Variants in NAV3 observed in about 807,000 individuals in gnomAD.
The protein encoded by NAV3 is pore membrane and/or filament interacting like protein 1.
Under a neutral mutation model 244.7 loss-of-function variants are expected in NAV3, and 87 were observed. The observed-to-expected ratio is 0.36, with a 90% CI of 0.30 to 0.42. The LOEUF (loss-of-function observed/expected upper bound fraction) is 0.42, where lower values mean the gene tolerates loss of function less well. Ranked by LOEUF, NAV3 falls within the 20% of genes least tolerant of loss-of-function variation. The probability of loss-of-function intolerance (pLI) is 1.00; values close to 1 mark genes in which losing one functional copy is unlikely to be tolerated. For missense variants in NAV3, 2,663 were observed against 2,893.3 expected (o/e 0.92, Z 1.83); for synonymous variants, 1,126 against 1,042.2 (o/e 1.08, Z -1.55).
intron 2 of NAV3, among the ~76,000 whole-genome samples, chr12:77,634,705 G>A (rs1392981521): frequency 2.6e-5 from 4 of 151,850 alleles, no homozygotes; most frequent in Non-Finnish European, 5.9e-5. Context: ...GGAGTTCTAT[G>A]TTCTAGTCTT....
intron 1 of NAV3, among the ~76,000 whole-genome samples, chr12:77,906,084 G>A (rs535970849): frequency 1.6e-4 from 24 of 152,254 alleles, no homozygotes; most frequent in South Asian, 4.1e-4. Context: ...AAGGTAGAGA[G>A]CTATAGGCAC....
Position 78,210,519 on chromosome 12 carries a change from G to A in NAV3, c.*2G>A, listed in dbSNP as rs1432891259. On this transcript the variant is annotated 3_prime_UTR_variant, in exon 40 of 40. Coordinates refer to ENST00000397909, the MANE Select transcript of NAV3 (RefSeq NM_001024383.2). ...TCATCTCTTGAATCTACCCTCTAGAGGGTGAAAAAAGTTAAGGGAAAAGAC... is the reference window on the plus strand; with the variant it reads ...TCATCTCTTGAATCTACCCTCTAGAAGGTGAAAAAAGTTAAGGGAAAAGAC... The A allele has an allele frequency of 5.0e-6, 8 of 1,608,740 alleles. No individual in the cohort carries two copies. Among genetic ancestry groups the A allele is most frequent in the Non-Finnish European group, 6.8e-6 (8 of 1,178,458 alleles).
At chr12:78,191,695 G>C (rs141120190) in intron 34 of NAV3, among the ~76,000 whole-genome samples, 6 of 152,236 alleles carry the variant, frequency 3.9e-5, no homozygotes, top group African/African-American at 1.4e-4. Context: ...ACAATTGTCT[G>C]TTTGCTTCAG....
At chr12:77,843,699 G>T (rs145337155) in intron 1 of NAV3, among the ~76,000 whole-genome samples, 2,634 of 152,028 alleles carry the variant, frequency 0.017, 63 homozygotes, top group African/African-American at 0.06. Context: ...GGATGTAATT[G>T]TTTTATTTAG....
chr12:77,689,845 T>G (rs1874924588), intron 2 of NAV3, among the ~76,000 whole-genome samples: 1 of 151,882 alleles, frequency 6.6e-6, no homozygotes, highest in Non-Finnish European at 1.5e-5. Flanking sequence ...TTTAATATTT[T>G]AATATTTTTA....
At chr12:77,753,463 C>T (rs770587508) in intron 2 of NAV3, among the ~76,000 whole-genome samples, 5 of 152,130 alleles carry the variant, frequency 3.3e-5, no homozygotes, top group Admixed American at 1.3e-4. Context: ...ACCTTCATCC[C>T]GAAATCTAAT....
intron 1 of NAV3, among the ~76,000 whole-genome samples, chr12:77,904,924 G>T (rs776487160): frequency 6.6e-6 from 1 of 151,490 alleles, no homozygotes; most frequent in African/African-American, 2.4e-5. Context: ...GTACCATATG[G>T]TTGCTTTAAT....
At chr12:78,082,439 G>A (rs1399583969) in intron 12 of NAV3, among the ~76,000 whole-genome samples, 1 of 152,064 alleles carries the variant, frequency 6.6e-6, no homozygotes, top group Non-Finnish European at 1.5e-5. Flanking sequence ...AAATCTTGTT[G>A]TTTCAGATCA....
intron 12 of NAV3, among the ~76,000 whole-genome samples, chr12:78,078,296 ATTCTCT>A (rs1317836983): frequency 7.5e-5 from 11 of 146,994 alleles, no homozygotes; most frequent in Admixed American, 4.1e-4. Context: ...TAACATTCTC[ATTCTCT>A]TTGCTCTACA....
rs145612484 is a variant in NAV3 at position 77,701,924 on chromosome 12, T to C, written c.72+129658T>C. ...TTTACCTTAATGAATGCACCATGTGTACCAGGAGCAAGATATGCACTCTAT... is the reference window on the plus strand; with the variant it reads ...TTTACCTTAATGAATGCACCATGTGCACCAGGAGCAAGATATGCACTCTAT... On this transcript the variant is annotated intron_variant, in intron 2 of 8. Transcript: ENST00000550042. 8.4e-3 allele frequency among the ~76,000 whole-genome samples: 1,283 copies of C among 152,152 alleles called. 6 individuals are homozygous for C. The highest frequency in any genetic ancestry group is 0.017 in the Middle Eastern group (5 of 294).
At chr12:77,706,540 C>T (rs1485702071) in intron 2 of NAV3, among the ~76,000 whole-genome samples, 4 of 151,082 alleles carry the variant, frequency 2.6e-5, no homozygotes, top group South Asian at 2.1e-4. Context: ...AATAATCCCA[C>T]GGTGAAATTC....
In NAV3 at chr12:78,210,381, C is replaced by A; in HGVS notation, c.7039-17C>A. The A allele has an allele frequency of 6.2e-7, 1 of 1,613,184 alleles. No individual in the cohort carries two copies. The highest frequency in any genetic ancestry group is 2.2e-5 in the East Asian group (1 of 44,830). ...AATGCATCATTGCCTACATCGATGT[C>A]TTTTTTCTTTCTTCAGATGAATATG... On this transcript the variant is annotated splice_polypyrimidine_tract_variant and intron_variant, in intron 39 of 39. Transcript: ENST00000397909.
intron 12 of NAV3, among the ~76,000 whole-genome samples, chr12:78,108,594 A>C (rs962561387): frequency 6.6e-6 from 1 of 152,190 alleles, no homozygotes; most frequent in Non-Finnish European, 1.5e-5. Flanking sequence ...AAAAGTTGAA[A>C]TCATATCACA....
At chr12:77,726,702 G>T (rs1399703948) in intron 2 of NAV3, among the ~76,000 whole-genome samples, 1 of 150,456 alleles carries the variant, frequency 6.6e-6, no homozygotes, top group Admixed American at 6.7e-5. Flanking sequence ...AGTGTTTGAG[G>T]CAAAACAACA....
intron 8 of NAV3, 97 bp from the exon 9 acceptor site, chr12:78,021,650 G>T: frequency 1.2e-6 from 1 of 807,680 alleles, no homozygotes; most frequent in Non-Finnish European, 2.0e-6. Flanking sequence ...TACCTTGATG[G>T]AAAATTTGTA....
At chr12:77,775,304 A>C (rs1318229771) in intron 2 of NAV3, among the ~76,000 whole-genome samples, 1 of 151,666 alleles carries the variant, frequency 6.6e-6, no homozygotes, top group Admixed American at 6.6e-5. Context: ...AGGCACGAAA[A>C]TTGCTTGAAC....
At chr12:78,109,556 C>T (rs1055914082) in intron 12 of NAV3, among the ~76,000 whole-genome samples, 1 of 151,898 alleles carries the variant, frequency 6.6e-6, no homozygotes, top group African/African-American at 2.4e-5. Flanking sequence ...TAACAAAATA[C>T]TGGCAAACGG....
chr12:77,665,847 T>C (rs570709203), intron 2 of NAV3, among the ~76,000 whole-genome samples: 10 of 152,338 alleles, frequency 6.6e-5, no homozygotes, highest in East Asian at 1.9e-4. Flanking sequence ...CAAGTTAATA[T>C]AGTTTGCCTG....
chr12:77,964,611 C>T lies in NAV3; in HGVS notation c.415-1618C>T, dbSNP rs192677419. Among the ~76,000 whole-genome samples, 20 of 152,112 alleles carry T rather than the reference C, an allele frequency of 1.3e-4. No homozygotes were observed. In the East Asian group the frequency reaches 2.7e-3, roughly 21 times the overall value. ...CTTCCTTATATAATCTTATAGCTAG[C>T]GGCAGAATGAAATATGAAGAAAGGA... On this transcript the variant is annotated intron_variant, in intron 3 of 39. Coordinates refer to ENST00000397909, the MANE Select transcript of NAV3 (RefSeq NM_001024383.2).
Sources: gnomAD v4.1 joint callset for allele counts (sites outside exome capture counted in the v4.1 genomes callset) on GRCh38, gnomAD v4.1.1 for gene constraint, MANE v1.5 for transcripts, NCBI Gene and HGNC (gene_info 2026-07-23, HGNC 2026-07-21) for gene names.